Variants in EML4 observed in about 807,000 individuals in gnomAD.
EML4 encodes the protein EMAP like 4, also known as echinoderm microtubule-associated protein-like 4.
Under a neutral mutation model 129.0 loss-of-function variants are expected in EML4, and 72 were observed. That is an observed-to-expected ratio of 0.56 (90% CI 0.46 to 0.68). EML4 has a LOEUF of 0.68. Ranked by LOEUF, EML4 falls within the 30% of genes least tolerant of loss-of-function variation. The probability of loss-of-function intolerance (pLI) is 0.00; values close to 1 mark genes in which losing one functional copy is unlikely to be tolerated. For missense variants in EML4, 1,363 were observed against 1,190.6 expected (o/e 1.14, Z -2.13); for synonymous variants, 532 against 405.0 (o/e 1.31, Z -3.77).
intron 1 of EML4, among the ~76,000 whole-genome samples, chr2:42,176,939 G>A (rs368105924): frequency 5.8e-4 from 88 of 152,172 alleles, no homozygotes; most frequent in African/African-American, 2.0e-3. Flanking sequence ...TGTTACAGGT[G>A]TATGCCACCA....
chr2:42,248,553 C>G (rs1675561016), intron 2 of EML4, among the ~76,000 whole-genome samples: 1 of 152,064 alleles, frequency 6.6e-6, no homozygotes. Context: ...GTCATAATTC[C>G]TATGTCTCTA....
intron 1 of EML4, among the ~76,000 whole-genome samples, chr2:42,229,742 C>A (rs909090892): frequency 6.6e-6 from 1 of 152,008 alleles, no homozygotes; most frequent in African/African-American, 2.4e-5. Flanking sequence ...CAAAATAAAT[C>A]TAGAGTCTTG....
chr2:42,222,946 C>G (rs1319365050), intron 1 of EML4, among the ~76,000 whole-genome samples: 1 of 152,022 alleles, frequency 6.6e-6, no homozygotes, highest in Non-Finnish European at 1.5e-5. Context: ...CTGCAGGCAT[C>G]TGCCACCACA....
chr2:42,194,075 G>A (rs1465039384), intron 1 of EML4, among the ~76,000 whole-genome samples: 2 of 151,982 alleles, frequency 1.3e-5, no homozygotes, highest in African/African-American at 4.8e-5. Flanking sequence ...ATTCATGTTT[G>A]CTCATTTTAA....
chr2:42,202,041 C>T lies in EML4; in HGVS notation c.25+32405C>T, dbSNP rs907301874. On this transcript the variant is annotated intron_variant, in intron 1 of 22. Coordinates refer to ENST00000318522, the MANE Select transcript of EML4 (RefSeq NM_019063.5). Reference sequence around the variant, plus strand: ...GAGGTTGCAGTGAGCTGAGATTGCACCACTGCACTCCAGCCTGGGTGACAG... The same window carrying T: ...GAGGTTGCAGTGAGCTGAGATTGCATCACTGCACTCCAGCCTGGGTGACAG... Among the ~76,000 whole-genome samples the T allele has an allele frequency of 3.3e-5, 5 of 151,654 alleles. No homozygotes were observed. In the East Asian group the frequency reaches 9.7e-4, roughly 29 times the overall value.
At chr2:42,227,832 A>T (rs1674073630) in intron 1 of EML4, among the ~76,000 whole-genome samples, 1 of 152,256 alleles carries the variant, frequency 6.6e-6, no homozygotes, top group African/African-American at 2.4e-5. Context: ...TAGAATATAT[A>T]TAACATACAA....
chr2:42,220,979 A>G (rs1325094785), intron 1 of EML4, among the ~76,000 whole-genome samples: 4 of 152,180 alleles, frequency 2.6e-5, no homozygotes, highest in Non-Finnish European at 5.9e-5. Context: ...AGAAGTTTGA[A>G]GCTAGCAGAG....
intron 17 of EML4, among the ~76,000 whole-genome samples, chr2:42,312,396 A>G (rs1337490690): frequency 2.0e-5 from 3 of 152,160 alleles, no homozygotes; most frequent in Non-Finnish European, 4.4e-5. Flanking sequence ...CCAACATTTA[A>G]TATTAATACA....
At chr2:42,207,573 T>C (rs1266550625) in intron 1 of EML4, among the ~76,000 whole-genome samples, 1 of 152,228 alleles carries the variant, frequency 6.6e-6, no homozygotes, top group Non-Finnish European at 1.5e-5. Context: ...GCCAGATTTT[T>C]TTGGTTCCTA....
intron 6 of EML4, among the ~76,000 whole-genome samples, chr2:42,265,351 C>T (rs572335075): frequency 2.0e-5 from 3 of 152,186 alleles, no homozygotes; most frequent in African/African-American, 4.8e-5. Context: ...GTGATCAGCC[C>T]GCCTCAGCCT....
chr2:42,269,496 T>G (rs982362999), intron 6 of EML4, among the ~76,000 whole-genome samples: 1 of 152,212 alleles, frequency 6.6e-6, no homozygotes, highest in Non-Finnish European at 1.5e-5. Context: ...GAACTTACAT[T>G]CATGCTCCAT....
intron 11 of EML4, among the ~76,000 whole-genome samples, chr2:42,294,847 T>C (rs1667856195): frequency 6.6e-6 from 1 of 152,220 alleles, no homozygotes; most frequent in Non-Finnish European, 1.5e-5. Flanking sequence ...AAGTGTACTT[T>C]TCTGGCATGT....
At chr2:42,249,908 AGCTGAATCCCT>A (rs1675653157) in intron 2 of EML4, among the ~76,000 whole-genome samples, 1 of 152,156 alleles carries the variant, frequency 6.6e-6, no homozygotes. Context: ...CACCAGTTGC[AGCTGAATCCCT>A]GCCAAAAGAA....
At chr2:42,177,091 A>G (rs1670650504) in intron 1 of EML4, among the ~76,000 whole-genome samples, 2 of 152,134 alleles carry the variant, frequency 1.3e-5, no homozygotes. Flanking sequence ...CCTAAGCCAA[A>G]TTATAAACCT....
intron 7 of EML4, 82 bp downstream of exon 7, chr2:42,281,055 G>T: frequency 2.6e-6 from 3 of 1,137,136 alleles, no homozygotes; most frequent in Non-Finnish European, 2.4e-6. Flanking sequence ...TGTCAAAATT[G>T]TCTTTATACA....
intron 2 of EML4, among the ~76,000 whole-genome samples, chr2:42,246,104 C>A (rs1432618978): frequency 6.6e-6 from 1 of 152,066 alleles, no homozygotes; most frequent in Non-Finnish European, 1.5e-5. Context: ...TTATTCTGAA[C>A]CCTCTGTGGT....
At chr2:42,204,460 T>C (rs891951528) in intron 1 of EML4, among the ~76,000 whole-genome samples, 1 of 152,178 alleles carries the variant, frequency 6.6e-6, no homozygotes, top group African/African-American at 2.4e-5. Context: ...GTGGGACTAT[T>C]CCTCTCTGCT....
Position 42,292,109 on chromosome 2 carries a change from G to A in EML4, c.1219-3016G>A, listed in dbSNP as rs1463431460. On this transcript the variant is annotated intron_variant, in intron 11 of 22. Transcript: ENST00000318522. ...GTTGGCAACTGTATTCTGAATTATA[G>A]GAGTTTTGTGGGACATGGAGGAAAG... 4.6e-5 allele frequency among the ~76,000 whole-genome samples: 7 copies of A among 152,170 alleles called. No homozygotes were observed. The East Asian group carries it at 9.6e-4, about 21-fold the overall frequency.
At chr2:42,276,932 A>C (rs1484286416) in intron 6 of EML4, among the ~76,000 whole-genome samples, 3 of 152,190 alleles carry the variant, frequency 2.0e-5, no homozygotes, top group Non-Finnish European at 4.4e-5. Flanking sequence ...TTTTTATATC[A>C]TATCAGAAAA....
Sources: allele counts gnomAD v4.1 joint callset (sites outside exome capture counted in the v4.1 genomes callset), GRCh38; gene constraint gnomAD v4.1.1; transcripts MANE v1.5; gene names NCBI Gene and HGNC (gene_info 2026-07-23, HGNC 2026-07-21).